Variants in RNF149 observed in about 807,000 individuals in gnomAD.
RNF149 encodes the protein E3 ubiquitin-protein ligase RNF149.
RNF149 carries 21 observed loss-of-function variants against 39.0 expected under a neutral mutation model. That is an observed-to-expected ratio of 0.54 (90% CI 0.38 to 0.77). The LOEUF is 0.77. Ranked by LOEUF, RNF149 falls within the 30% of genes least tolerant of loss-of-function variation. The pLI is 0.00. For synonymous variants in RNF149, 209 were observed against 213.6 expected (o/e 0.98, Z 0.19); for missense variants, 493 against 534.9 (o/e 0.92, Z 0.77).
chr2:101,283,747 T>C (rs1419058792), intron 5 of RNF149, among the ~76,000 whole-genome samples: 2 of 152,198 alleles, frequency 1.3e-5, no homozygotes, highest in East Asian at 1.9e-4. Context: ...CTCAACCTTA[T>C]GTGAGATGAA....
intron 1 of RNF149, among the ~76,000 whole-genome samples, chr2:101,304,190 A>C (rs2104438778): frequency 6.6e-6 from 1 of 152,302 alleles, no homozygotes; most frequent in South Asian, 2.1e-4. Flanking sequence ...TGAGCTGAGG[A>C]GTTCGAGAAC....
chr2:101,302,737 T>C (rs1252071607), intron 1 of RNF149, among the ~76,000 whole-genome samples: 1 of 152,106 alleles, frequency 6.6e-6, no homozygotes, highest in Non-Finnish European at 1.5e-5. Flanking sequence ...CCCAGCATTC[T>C]GGGAGGCCGG....
downstream of RNF149, chr2:101,273,301 C>T: frequency 2.1e-6 from 1 of 474,884 alleles, no homozygotes. Flanking sequence ...GCGGTTTCCA[C>T]AGTTAAATAC....
Position 101,308,664 on chromosome 2 carries a change from G to A in RNF149, c.-76C>T, listed in dbSNP as rs193144305. 9.1e-4 allele frequency: 1,189 copies of A among 1,309,028 alleles called. 14 individuals are homozygous for A. The African/African-American group carries it at 0.017, about 19-fold the overall frequency. The allele number at this position is 1,309,028 out of a possible 1,614,324, so 81.1% of individuals were successfully genotyped here. Reference sequence around the variant, plus strand: ...GTGCAGTCGAAGAGCAGAGAGAAGCGGACACCCACCGCCGCCCTGGAAGAC... The same window carrying A: ...GTGCAGTCGAAGAGCAGAGAGAAGCAGACACCCACCGCCGCCCTGGAAGAC... On this transcript the variant is annotated 5_prime_UTR_variant, in exon 1 of 7. Transcript: ENST00000295317.
chr2:101,304,858 T>G (rs908408078), intron 1 of RNF149, among the ~76,000 whole-genome samples: 1 of 99,216 alleles, frequency 1.0e-5, no homozygotes, highest in African/African-American at 4.0e-5. Flanking sequence ...TTTTTTTTTT[T>G]GAGACAGGGT....
chr2:101,304,695 C>A (rs1009372516), intron 1 of RNF149, among the ~76,000 whole-genome samples: 1 of 152,078 alleles, frequency 6.6e-6, no homozygotes, highest in African/African-American at 2.4e-5. Flanking sequence ...AAAAAAATTC[C>A]AGTCACATTT....
chr2:101,305,379 T>A lies in RNF149; in HGVS notation c.460+2750A>T, dbSNP rs1283768749. 2.0e-5 allele frequency among the ~76,000 whole-genome samples: 3 copies of A among 152,228 alleles called. No individual in the cohort carries two copies. The East Asian group carries it at 5.8e-4, about 29-fold the overall frequency. On this transcript the variant is annotated intron_variant, in intron 1 of 6. Coordinates refer to ENST00000295317, the MANE Select transcript of RNF149 (RefSeq NM_173647.4). ...AATTCTGTAAGGGTCTTTTCATTTC[T>A]GCAGTCACGACTATAGTACTGGCCC...
chr2:101,279,802 G>A (rs970782845), intron 6 of RNF149, among the ~76,000 whole-genome samples: 49 of 152,158 alleles, frequency 3.2e-4, no homozygotes, highest in African/African-American at 1.2e-3. Flanking sequence ...GATCCTAAAT[G>A]TGCTACAAAA....
downstream of RNF149, among the ~76,000 whole-genome samples, chr2:101,271,988 CAG>C (rs1445735833): frequency 2.6e-5 from 4 of 152,172 alleles, no homozygotes; most frequent in African/African-American, 7.2e-5. Flanking sequence ...CTCTTTTAAA[CAG>C]TATTTTGAAT....
chr2:101,308,571 G>A lies in RNF149; in HGVS notation c.18C>T (p.Arg6=). 1.9e-6 allele frequency: 3 copies of A among 1,562,482 alleles called. No homozygotes were observed. ...CGCCGCGAGCCCCGACGCTGGCTTC[G>A]CGCCGCCGCCACGCCATGGCAGCAC... MAWRR[R]EASVGARGVL... is the part of the protein sequence containing the mutation. The change falls in exon 1 of 7, where the codon CGC becomes CGT. Residue 6 remains arginine, a synonymous_variant. Coordinates refer to ENST00000295317, the MANE Select transcript of RNF149 (RefSeq NM_173647.4).
chr2:101,278,147 T>C (rs1437541166), intron 6 of RNF149, among the ~76,000 whole-genome samples: 1 of 152,104 alleles, frequency 6.6e-6, no homozygotes, highest in African/African-American at 2.4e-5. Flanking sequence ...TAAAGTTTCT[T>C]TTTTCTTTTC....
chr2:101,308,657 G>C lies in RNF149; in HGVS notation c.-69C>G, dbSNP rs78958738. 0.012 allele frequency: 16,042 copies of C among 1,356,876 alleles called. 121 individuals are homozygous for C. The highest frequency in any genetic ancestry group is 0.015 in the Non-Finnish European group (15,170 of 1,038,880). 84.1% of individuals were successfully genotyped at this position (1,356,876 alleles called of 1,614,324 possible). The stretch of plus-strand genomic sequence containing the variant: ...GAGTGCGGTGCAGTCGAAGAGCAGA[G>C]AGAAGCGGACACCCACCGCCGCCCT... On this transcript the variant is annotated 5_prime_UTR_variant, in exon 1 of 7. Transcript: ENST00000295317.
chr2:101,271,643 CTTT>C (rs1243242084), downstream of RNF149: 1 of 148,852 alleles, frequency 6.7e-6, no homozygotes, highest in Non-Finnish European at 1.5e-5. Context: ...CTGCAATAAA[CTTT>C]TTTAAGTATA....
chr2:101,301,613 T>C lies in RNF149; in HGVS notation c.461-6432A>G, dbSNP rs146431665. Among the ~76,000 whole-genome samples, 13 of 152,272 alleles carry C rather than the reference T, an allele frequency of 8.5e-5. No individual in the cohort carries two copies. The East Asian group carries it at 1.2e-3, about 14-fold the overall frequency. ...GCATCACGATGTCCCACCTCAAAGA[T>C]AGTATTTTTAACAAACCAAATTACC... is the stretch of plus-strand genomic sequence containing the variant. On this transcript the variant is annotated intron_variant, in intron 1 of 6. Transcript: ENST00000295317.
chr2:101,305,297 TAC>T, intron 1 of RNF149, among the ~76,000 whole-genome samples: 1 of 152,308 alleles, frequency 6.6e-6, no homozygotes, highest in South Asian at 2.1e-4. Flanking sequence ...AGGCTGTCTG[TAC>T]ACAGTCACCT....
At chr2:101,280,507 A>G (rs1027778283) in intron 6 of RNF149, among the ~76,000 whole-genome samples, 4 of 152,292 alleles carry the variant, frequency 2.6e-5, no homozygotes, top group South Asian at 2.1e-4. Context: ...GTACAGGTCA[A>G]TATCTTTACA....
chr2:101,275,177 GC>G (rs1682289822), downstream of RNF149, among the ~76,000 whole-genome samples: 1 of 123,870 alleles, frequency 8.1e-6, no homozygotes, highest in African/African-American at 3.1e-5. Context: ...GAGTGCAGTA[GC>G]GCAATCTTGG....
At chr2:101,283,738 T>A (rs1440585850) in intron 5 of RNF149, among the ~76,000 whole-genome samples, 1 of 152,204 alleles carries the variant, frequency 6.6e-6, no homozygotes, top group East Asian at 1.9e-4. Context: ...AGAAAGCAAC[T>A]CAACCTTATG....
chr2:101,289,420 G>C (rs1046174259), intron 3 of RNF149, among the ~76,000 whole-genome samples: 1 of 151,950 alleles, frequency 6.6e-6, no homozygotes. Context: ...AAGAGACAGG[G>C]TTTCGGCCAG....
Sources: gnomAD v4.1 joint callset for allele counts (sites outside exome capture counted in the v4.1 genomes callset) on GRCh38, gnomAD v4.1.1 for gene constraint, MANE v1.5 for transcripts, NCBI Gene and HGNC (gene_info 2026-07-23, HGNC 2026-07-21) for gene names.